Variants in MECOM observed in about 807,000 individuals in gnomAD.
MECOM encodes histone-lysine N-methyltransferase MECOM.
MECOM carries 13 observed loss-of-function variants against 116.3 expected under a neutral mutation model. That is an observed-to-expected ratio of 0.11 (90% CI 0.07 to 0.18). MECOM has a LOEUF of 0.18. MECOM is among the 10% of genes least tolerant of loss of function. The pLI, the probability that MECOM is intolerant of heterozygous loss-of-function variation, is 1.00. For missense variants in MECOM, 1,299 were observed against 1,509.0 expected (o/e 0.86, Z 2.31); for synonymous variants, 528 against 535.2 (o/e 0.99, Z 0.19).
chr3:169,111,939 A>G (rs1727545696), intron 9 of MECOM, among the ~76,000 whole-genome samples: 1 of 152,140 alleles, frequency 6.6e-6, no homozygotes, highest in Non-Finnish European at 1.5e-5. Flanking sequence ...TTGTTTGAAC[A>G]TATTACAACA....
At chr3:169,435,428 C>G (rs1205278677) in intron 1 of MECOM, among the ~76,000 whole-genome samples, 1 of 152,082 alleles carries the variant, frequency 6.6e-6, no homozygotes, top group Non-Finnish European at 1.5e-5. Context: ...ATCTTAAGAG[C>G]TATTAATCAC....
chr3:169,640,550 C>T (rs545907285), intron 1 of MECOM, among the ~76,000 whole-genome samples: 1 of 152,342 alleles, frequency 6.6e-6, no homozygotes, highest in Admixed American at 6.5e-5. Flanking sequence ...TAAGGCTTCT[C>T]TTCTGTAAGG....
chr3:169,423,403 C>G (rs1372193359), intron 1 of MECOM, among the ~76,000 whole-genome samples: 1 of 152,064 alleles, frequency 6.6e-6, no homozygotes, highest in Non-Finnish European at 1.5e-5. Context: ...TTCCATAGAG[C>G]TTGTAACCAT....
intron 1 of MECOM, among the ~76,000 whole-genome samples, chr3:169,535,568 T>C (rs1310245917): frequency 6.6e-6 from 1 of 152,152 alleles, no homozygotes; most frequent in Non-Finnish European, 1.5e-5. Flanking sequence ...GAAACAGAAC[T>C]CTCTACCCTA....
intron 1 of MECOM, among the ~76,000 whole-genome samples, chr3:169,504,323 A>G (rs2108993438): frequency 1.3e-5 from 2 of 152,046 alleles, no homozygotes; most frequent in Non-Finnish European, 2.9e-5. Flanking sequence ...CTCGATGGGG[A>G]TGCTAAAATC....
intron 1 of MECOM, among the ~76,000 whole-genome samples, chr3:169,596,819 T>C (rs73174379): frequency 0.088 from 13,370 of 152,268 alleles, 648 homozygotes; most frequent in Middle Eastern, 0.17. Context: ...AAATATCTTA[T>C]AGTTACAAAT....
In MECOM at chr3:169,111,535, C is replaced by T. The variant is rs984972404; in HGVS notation, c.2577+1252G>A. ...TCAGTCTAAATATAAAATATAGTCC[C>T]GATAAACATTAACTGTTTTGTAACT... On this transcript the variant is annotated intron_variant, in intron 9 of 16. Transcript: ENST00000651503. 2.0e-4 allele frequency among the ~76,000 whole-genome samples: 31 copies of T among 151,930 alleles called. 1 individual carries two copies. The highest frequency in any genetic ancestry group is 7.2e-4 in the Admixed American group (11 of 15,258).
intron 2 of MECOM, among the ~76,000 whole-genome samples, chr3:169,266,349 G>T (rs933103040): frequency 6.6e-6 from 1 of 152,152 alleles, no homozygotes; most frequent in Non-Finnish European, 1.5e-5. Flanking sequence ...GCTATTGTTA[G>T]TCAAAGTTCT....
chr3:169,200,660 G>T (rs1272876376), intron 2 of MECOM, among the ~76,000 whole-genome samples: 2 of 151,988 alleles, frequency 1.3e-5, no homozygotes, highest in African/African-American at 4.8e-5. Context: ...CAGATATTTG[G>T]GCAATTAGGT....
chr3:169,222,361 G>C (rs371344384), intron 2 of MECOM, among the ~76,000 whole-genome samples: 1 of 152,166 alleles, frequency 6.6e-6, no homozygotes, highest in African/African-American at 2.4e-5. Context: ...TCAGTACCTT[G>C]TTACAGCCTC....
At chr3:169,579,941 C>T (rs1264366695) in intron 1 of MECOM, among the ~76,000 whole-genome samples, 1 of 152,156 alleles carries the variant, frequency 6.6e-6, no homozygotes. Flanking sequence ...AGAGGATTTT[C>T]GTAGGAGCCC....
At chr3:169,203,214 T>C (rs1193720035) in intron 2 of MECOM, among the ~76,000 whole-genome samples, 1 of 152,162 alleles carries the variant, frequency 6.6e-6, no homozygotes, top group Non-Finnish European at 1.5e-5. Context: ...TGGAGATGAA[T>C]AGCAAGAATC....
intron 2 of MECOM, among the ~76,000 whole-genome samples, chr3:169,222,048 C>T (rs201758925): frequency 1.3e-5 from 2 of 152,106 alleles, no homozygotes; most frequent in Admixed American, 6.5e-5. Flanking sequence ...TTCCGTAGAT[C>T]ACTAGCTATG....
chr3:169,412,400 C>T (rs1363540631), intron 1 of MECOM, among the ~76,000 whole-genome samples: 2 of 151,530 alleles, frequency 1.3e-5, no homozygotes, highest in East Asian at 1.9e-4. Flanking sequence ...CTTGAAAATC[C>T]ATGCTGTTTT....
chr3:169,573,681 T>A (rs78823260), intron 1 of MECOM, among the ~76,000 whole-genome samples: 1,821 of 152,348 alleles, frequency 0.012, 31 homozygotes, highest in African/African-American at 0.034. Context: ...GGTTTACCTT[T>A]TTTTTAACTT....
intron 2 of MECOM, among the ~76,000 whole-genome samples, chr3:169,242,091 T>C (rs2149552663): frequency 6.6e-6 from 1 of 152,304 alleles, no homozygotes; most frequent in South Asian, 2.1e-4. Context: ...AGCTCCCCAT[T>C]GTGTTTATAG....
intron 1 of MECOM, among the ~76,000 whole-genome samples, chr3:169,428,503 C>T (rs1741090559): frequency 6.6e-6 from 1 of 152,186 alleles, no homozygotes; most frequent in South Asian, 2.1e-4. Context: ...TGCTATGCGG[C>T]CCAGTTCCTA....
At chr3:169,237,256 TAAC>T (rs1487502826) in intron 2 of MECOM, among the ~76,000 whole-genome samples, 1 of 152,162 alleles carries the variant, frequency 6.6e-6, no homozygotes, top group Non-Finnish European at 1.5e-5. Context: ...ACATTAAAAA[TAAC>T]AATATACTAA....
At chr3:169,660,531 G>A (rs1421013) in intron 1 of MECOM, among the ~76,000 whole-genome samples, 1 of 151,862 alleles carries the variant, frequency 6.6e-6, no homozygotes, top group African/African-American at 2.4e-5. Flanking sequence ...GACCACCAAA[G>A]AAATTTACAA....
Sources: allele counts gnomAD v4.1 joint callset (sites outside exome capture counted in the v4.1 genomes callset), GRCh38; gene constraint gnomAD v4.1.1; transcripts MANE v1.5; gene names NCBI Gene and HGNC (gene_info 2026-07-23, HGNC 2026-07-21).